The following DLGAP2 variants were observed in gnomAD, a reference collection of about 807,000 sequenced individuals.
DLGAP2 encodes DLG associated protein 2.
In DLGAP2, 26 loss-of-function variants were observed where a neutral mutation model predicts 100.3. The ratio of observed to expected loss-of-function variants is 0.26; its 90% CI spans 0.19 to 0.36. DLGAP2 has a LOEUF of 0.36. Among genes scored for constraint, DLGAP2 ranks in the 10% least tolerant of loss-of-function variants. DLGAP2 has a pLI of 1.00. For synonymous variants in DLGAP2, 886 were observed against 630.1 expected (o/e 1.41, Z -6.08); for missense variants, 1,858 against 1,453.2 (o/e 1.28, Z -4.53).
At chr8:1,491,992 G>T (rs982989992) in intron 3 of DLGAP2, among the ~76,000 whole-genome samples, 1 of 152,196 alleles carries the variant, frequency 6.6e-6, no homozygotes, top group Non-Finnish European at 1.5e-5. Flanking sequence ...GCTGTCGTGC[G>T]CCTTTGCAGC....
At chr8:1,374,721 A>G (rs1330219843) in intron 3 of DLGAP2, among the ~76,000 whole-genome samples, 1 of 152,096 alleles carries the variant, frequency 6.6e-6, no homozygotes, top group Non-Finnish European at 1.5e-5. Flanking sequence ...TTTACTTTGC[A>G]TTATCAAAAT....
Position 1,411,686 on chromosome 8 carries a change from A to T in DLGAP2, c.107-89680A>T, listed in dbSNP as rs560108194. ...CATCTGCTAAACTTCAAACAATGCC[A>T]AGAGTAAGCATTTCACAGGCTCACG... On this transcript the variant is annotated intron_variant, in intron 3 of 14. Transcript: ENST00000637795. 1.8e-4 allele frequency among the ~76,000 whole-genome samples: 28 copies of T among 152,300 alleles called. 1 individual carries two copies. In the South Asian group the frequency reaches 3.5e-3, roughly 19 times the overall value.
chr8:1,072,953 C>T (rs1241630087), intron 2 of DLGAP2, among the ~76,000 whole-genome samples: 1 of 152,150 alleles, frequency 6.6e-6, no homozygotes, highest in African/African-American at 2.4e-5. Context: ...TTAGGGAGTT[C>T]CTATGTGACA....
At chr8:1,084,006 C>G (rs1457129059) in intron 2 of DLGAP2, among the ~76,000 whole-genome samples, 1 of 152,120 alleles carries the variant, frequency 6.6e-6, no homozygotes, top group Non-Finnish European at 1.5e-5. Context: ...ATTGTAAGCT[C>G]CTGATAGGCA....
intron 3 of DLGAP2, among the ~76,000 whole-genome samples, chr8:1,261,323 G>C (rs1322679356): frequency 6.6e-6 from 1 of 151,014 alleles, no homozygotes; most frequent in African/African-American, 2.4e-5. Flanking sequence ...GGGCAGGTCA[G>C]CTTCCAGATA....
intron 2 of DLGAP2, among the ~76,000 whole-genome samples, chr8:1,140,693 C>T (rs557650474): frequency 2.0e-5 from 3 of 152,298 alleles, no homozygotes; most frequent in East Asian, 1.9e-4. Flanking sequence ...CTGCCTTGGC[C>T]GGGCACAATG....
intron 8 of DLGAP2, among the ~76,000 whole-genome samples, chr8:1,633,390 T>A (rs192446427): frequency 9.2e-5 from 14 of 152,304 alleles, no homozygotes; most frequent in Admixed American, 9.1e-4. Flanking sequence ...TGCAGTGAGA[T>A]TTCTGCTGAT....
At chr8:1,444,205 C>T (rs1797917279) in intron 3 of DLGAP2, among the ~76,000 whole-genome samples, 1 of 152,154 alleles carries the variant, frequency 6.6e-6, no homozygotes, top group South Asian at 2.1e-4. Flanking sequence ...GTTGCCTTGG[C>T]CTCCCACAGC....
At chr8:1,343,697 A>C (rs1563094642) in intron 3 of DLGAP2, among the ~76,000 whole-genome samples, 1 of 134,562 alleles carries the variant, frequency 7.4e-6, no homozygotes, top group African/African-American at 2.6e-5. Context: ...AGCAGTTTGC[A>C]TCTGGGGGGT....
At chr8:1,449,261 G>T (rs1037681188) in intron 3 of DLGAP2, among the ~76,000 whole-genome samples, 3 of 152,212 alleles carry the variant, frequency 2.0e-5, no homozygotes, top group Non-Finnish European at 2.9e-5. Flanking sequence ...TCCTCACCCT[G>T]GTGATTCCGG....
chr8:1,057,791 A>AGG (rs1268935748), intron 2 of DLGAP2, among the ~76,000 whole-genome samples: 1 of 152,226 alleles, frequency 6.6e-6, no homozygotes, highest in Non-Finnish European at 1.5e-5. Context: ...AACAAAAGGG[A>AGG]GATAATCTTT....
intron 3 of DLGAP2, among the ~76,000 whole-genome samples, chr8:1,409,485 C>G (rs972926735): frequency 6.6e-6 from 1 of 152,248 alleles, no homozygotes; most frequent in African/African-American, 2.4e-5. Flanking sequence ...ATTCTCCAGA[C>G]ACAAGTTCAA....
chr8:1,574,253 G>A (rs906619582), intron 6 of DLGAP2, among the ~76,000 whole-genome samples: 1 of 152,114 alleles, frequency 6.6e-6, no homozygotes, highest in Non-Finnish European at 1.5e-5. Flanking sequence ...AGATTTTAGT[G>A]TATGGGGGGT....
intron 3 of DLGAP2, among the ~76,000 whole-genome samples, chr8:1,363,459 C>A (rs745516716): frequency 1.3e-5 from 2 of 152,222 alleles, no homozygotes; most frequent in Non-Finnish European, 2.9e-5. Flanking sequence ...CCCCCACACG[C>A]GTTTCCTCCA....
intron 2 of DLGAP2, among the ~76,000 whole-genome samples, chr8:1,134,978 A>C (rs544523855): frequency 6.6e-6 from 1 of 152,212 alleles, no homozygotes; most frequent in Admixed American, 6.5e-5. Context: ...TCAATATCAA[A>C]CTCTATTGAT....
chr8:1,431,857 C>A (rs1021993040), intron 3 of DLGAP2, among the ~76,000 whole-genome samples: 2 of 152,190 alleles, frequency 1.3e-5, no homozygotes, highest in African/African-American at 4.8e-5. Flanking sequence ...CCCTGAGAAC[C>A]CTGCCGGCAC....
In DLGAP2 at chr8:1,255,622, CTG is replaced by C. The variant is rs148091284; in HGVS notation, c.74-3217_74-3216del. ...ATGTGTGTCCTCTCTTGCCTGGGTG[CTG>C]TGTGTGTGTGTCCTCATCCTGCCCG... On this transcript the variant is annotated intron_variant, in intron 2 of 14. Transcript: ENST00000637795. Among the ~76,000 whole-genome samples the C allele has an allele frequency of 5.7e-3, 644 of 112,964 alleles. 11 individuals are homozygous for C. Among genetic ancestry groups the C allele is most frequent in the African/African-American group, 0.025 (471 of 18,484 alleles). 74.1% of individuals were successfully genotyped at this position (112,964 alleles called of 152,430 possible). A position where few individuals can be genotyped will look rare whatever the true frequency, so the allele number is the denominator to read the frequency against.
At chr8:871,003 G>A (rs1452508165) in intron 1 of DLGAP2, among the ~76,000 whole-genome samples, 1 of 152,076 alleles carries the variant, frequency 6.6e-6, no homozygotes, top group Non-Finnish European at 1.5e-5. Context: ...CCTTCCCCTG[G>A]TTCTTCAGAA....
chr8:1,274,915 C>T (rs1799652846), intron 3 of DLGAP2, among the ~76,000 whole-genome samples: 1 of 152,076 alleles, frequency 6.6e-6, no homozygotes, highest in Admixed American at 6.5e-5. Flanking sequence ...GTAGACCTCT[C>T]CTAATCCAGT....
Sources: gnomAD v4.1 joint callset for allele counts (sites outside exome capture counted in the v4.1 genomes callset) on GRCh38, gnomAD v4.1.1 for gene constraint, MANE v1.5 for transcripts, NCBI Gene and HGNC (gene_info 2026-07-23, HGNC 2026-07-21) for gene names.